Variants in ATP8A1 observed in about 807,000 individuals in gnomAD.
The protein encoded by ATP8A1 is phospholipid-transporting ATPase IA.
In ATP8A1, 90 loss-of-function variants were observed where a neutral mutation model predicts 177.7. The ratio of observed to expected loss-of-function variants is 0.51; its 90% CI spans 0.43 to 0.60. ATP8A1 has a LOEUF of 0.60. Among genes scored for constraint, ATP8A1 ranks in the 20% least tolerant of loss-of-function variants. The probability of loss-of-function intolerance (pLI) is 0.00; values close to 1 mark genes in which losing one functional copy is unlikely to be tolerated. For missense variants in ATP8A1, 1,072 were observed against 1,392.8 expected, an observed-to-expected ratio of 0.77 and a Z score of 3.67; for synonymous variants, 493 against 485.9, an observed-to-expected ratio of 1.01 and a Z score of -0.19.
chr4:42,604,879 T>C (rs1735638699), intron 5 of ATP8A1, among the ~76,000 whole-genome samples: 1 of 152,214 alleles, frequency 6.6e-6, no homozygotes, highest in Non-Finnish European at 1.5e-5. Context: ...ATGACATGAA[T>C]GAATCTTGGA....
intron 6 of ATP8A1, chr4:42,594,478 C>G: frequency 1.6e-6 from 1 of 619,938 alleles, no homozygotes; most frequent in Non-Finnish European, 2.9e-6. Flanking sequence ...AAACAAGAAC[C>G]ACTTATCTTC....
intron 20 of ATP8A1, among the ~76,000 whole-genome samples, chr4:42,525,226 C>T (rs946178121): frequency 4.6e-5 from 7 of 152,194 alleles, no homozygotes; most frequent in Admixed American, 3.9e-4. Flanking sequence ...GTTTGGCAAA[C>T]ACTGGACTGA....
At chr4:42,432,227 G>A (rs932022055) in intron 33 of ATP8A1, among the ~76,000 whole-genome samples, 3 of 152,062 alleles carry the variant, frequency 2.0e-5, no homozygotes, top group Non-Finnish European at 2.9e-5. Context: ...CCGAAAACTG[G>A]AGAAATCCAC....
chr4:42,441,876 C>T (rs1379386641), intron 33 of ATP8A1, among the ~76,000 whole-genome samples: 2 of 152,158 alleles, frequency 1.3e-5, no homozygotes, highest in African/African-American at 2.4e-5. Flanking sequence ...AATAAAACAA[C>T]AAGAAAAGAA....
intron 16 of ATP8A1, among the ~76,000 whole-genome samples, chr4:42,555,148 ATCTATCTATCTATCTATCTATCTATCT>A (rs1730035496): frequency 1.1e-5 from 1 of 87,462 alleles, no homozygotes; most frequent in Non-Finnish European, 2.4e-5. Context: ...TAATCTATCT[ATCTATCTATCTATCTATCTATCTATCT>A]ATCTATCTAT....
intron 1 of ATP8A1, among the ~76,000 whole-genome samples, chr4:42,638,015 GTA>G (rs1352686706): frequency 1.3e-5 from 2 of 152,170 alleles, no homozygotes; most frequent in Admixed American, 1.3e-4. Context: ...AGGCACAAGG[GTA>G]TGGGTAAGTA....
intron 5 of ATP8A1, among the ~76,000 whole-genome samples, chr4:42,610,169 T>C (rs1736227380): frequency 6.6e-6 from 1 of 152,008 alleles, no homozygotes; most frequent in South Asian, 2.1e-4. Flanking sequence ...ATTTTTTTTT[T>C]TTTTTTACCT....
intron 29 of ATP8A1, among the ~76,000 whole-genome samples, chr4:42,452,996 C>A (rs570654627): frequency 2.0e-5 from 3 of 152,316 alleles, no homozygotes; most frequent in South Asian, 4.1e-4. Context: ...ATCCAATTTA[C>A]GCTCCAATAC....
chr4:42,522,922 C>A (rs1158882250), intron 21 of ATP8A1, among the ~76,000 whole-genome samples: 1 of 152,068 alleles, frequency 6.6e-6, no homozygotes, highest in Non-Finnish European at 1.5e-5. Flanking sequence ...AAGCAGGGAC[C>A]CAGAGTTCTT....
At chr4:42,542,512 T>C (rs554260008) in intron 20 of ATP8A1, among the ~76,000 whole-genome samples, 1 of 152,256 alleles carries the variant, frequency 6.6e-6, no homozygotes, top group Non-Finnish European at 1.5e-5. Flanking sequence ...GTTACATAGG[T>C]ATACATGTGC....
chr4:42,444,257 G>T (rs1716968246), intron 32 of ATP8A1, among the ~76,000 whole-genome samples: 1 of 152,154 alleles, frequency 6.6e-6, no homozygotes, highest in Admixed American at 6.5e-5. Flanking sequence ...CACCAGTCCA[G>T]TGACACCTCT....
intron 27 of ATP8A1, among the ~76,000 whole-genome samples, chr4:42,460,008 G>A (rs1483579609): frequency 2.6e-5 from 4 of 152,044 alleles, no homozygotes; most frequent in Non-Finnish European, 5.9e-5. Context: ...AGCCAGGATG[G>A]TCTCGATCTC....
chr4:42,657,102 T>G lies in ATP8A1; in HGVS notation c.-229A>C. 1 of 373,692 alleles carries G rather than the reference T, an allele frequency of 2.7e-6. No homozygotes were observed. Among genetic ancestry groups the G allele is most frequent in the Non-Finnish European group, 4.6e-6 (1 of 218,650 alleles). The allele number at this position is 373,692 out of a possible 1,614,324, so 23.1% of individuals were successfully genotyped here. A position where few individuals can be genotyped will look rare whatever the true frequency, so the allele number is the denominator to read the frequency against. On this transcript the variant is annotated 5_prime_UTR_variant, in exon 1 of 37. Coordinates refer to ENST00000381668, the MANE Select transcript of ATP8A1 (RefSeq NM_006095.2). ...GCGGCGCCCGCAGAGCTGGGCGAGCTCTTGCTGCAGCCGCGGAGGGGCGGC... is the reference window on the plus strand; with the variant it reads ...GCGGCGCCCGCAGAGCTGGGCGAGCGCTTGCTGCAGCCGCGGAGGGGCGGC...
intron 22 of ATP8A1, among the ~76,000 whole-genome samples, chr4:42,509,426 C>G (rs887595860): frequency 2.0e-5 from 3 of 152,192 alleles, no homozygotes; most frequent in Admixed American, 6.5e-5. Flanking sequence ...CCCGCTATAG[C>G]GGCCATACAG....
intron 22 of ATP8A1, among the ~76,000 whole-genome samples, chr4:42,509,713 A>T (rs961046659): frequency 3.3e-5 from 5 of 152,068 alleles, no homozygotes; most frequent in African/African-American, 1.2e-4. Flanking sequence ...TTAGCCGGGC[A>T]TGGTGGCAGG....
At chr4:42,433,055 T>C (rs968394952) in intron 33 of ATP8A1, among the ~76,000 whole-genome samples, 3 of 152,220 alleles carry the variant, frequency 2.0e-5, no homozygotes, top group African/African-American at 7.2e-5. Context: ...CTGCCATGAC[T>C]TACAGTAATG....
chr4:42,569,268 TAAA>T, intron 14 of ATP8A1, 63 bp from the exon 15 acceptor site: 5 of 1,330,642 alleles, frequency 3.8e-6, no homozygotes, highest in Non-Finnish European at 5.2e-6. Context: ...GCTGGAAACA[TAAA>T]ACCACGAAGA....
At chr4:42,479,801 C>CT (rs1721466689) in intron 25 of ATP8A1, among the ~76,000 whole-genome samples, 1 of 152,028 alleles carries the variant, frequency 6.6e-6, no homozygotes, top group Admixed American at 6.5e-5. Flanking sequence ...TGATGGAAAT[C>CT]AAGGTAGCAG....
intron 25 of ATP8A1, among the ~76,000 whole-genome samples, chr4:42,469,234 T>C (rs1412331031): frequency 6.6e-6 from 1 of 152,192 alleles, no homozygotes; most frequent in Non-Finnish European, 1.5e-5. Context: ...AATGAAGTTA[T>C]GAGATATTTA....
Sources: gnomAD v4.1 joint callset for allele counts (sites outside exome capture counted in the v4.1 genomes callset) on GRCh38, gnomAD v4.1.1 for gene constraint, MANE v1.5 for transcripts, NCBI Gene and HGNC (gene_info 2026-07-23, HGNC 2026-07-21) for gene names.